The following CDH13 variants were observed in gnomAD, a reference collection of about 807,000 sequenced individuals.
CDH13 encodes the protein cadherin 13.
In CDH13, 24 loss-of-function variants were observed where a neutral mutation model predicts 63.8. That is an observed-to-expected ratio of 0.38 (90% CI 0.27 to 0.53). CDH13 has a LOEUF of 0.53. Among genes scored for constraint, CDH13 ranks in the 20% least tolerant of loss-of-function variants. The pLI is 0.85. For synonymous variants in CDH13, 503 were observed against 355.3 expected (o/e 1.42, Z -4.67); for missense variants, 1,049 against 903.1 (o/e 1.16, Z -2.07).
intron 6 of CDH13, among the ~76,000 whole-genome samples, chr16:83,438,792 G>A (rs77106592): frequency 0.011 from 1,686 of 152,256 alleles, 32 homozygotes; most frequent in African/African-American, 0.039. Context: ...TATTTTGTAC[G>A]TTTGAGACTG....
intron 5 of CDH13, among the ~76,000 whole-genome samples, chr16:83,281,599 A>G (rs1018551783): frequency 4.6e-5 from 7 of 152,104 alleles, no homozygotes; most frequent in South Asian, 2.1e-4. Context: ...AGCTTTCAAC[A>G]TGTCTTCGTC....
At chr16:83,518,437 G>C (rs10468353) in intron 7 of CDH13, among the ~76,000 whole-genome samples, 1 of 150,022 alleles carries the variant, frequency 6.7e-6, no homozygotes, top group African/African-American at 2.5e-5. Flanking sequence ...GAGCCACCGC[G>C]CCCGGCCAAG....
chr16:82,722,024 G>A (rs1567466434), intron 1 of CDH13, among the ~76,000 whole-genome samples: 1 of 152,152 alleles, frequency 6.6e-6, no homozygotes, highest in Non-Finnish European at 1.5e-5. Flanking sequence ...CACTGCCACT[G>A]GGCCCATCGG....
chr16:83,776,724 A>G (rs1368561912), intron 11 of CDH13, among the ~76,000 whole-genome samples: 1 of 152,148 alleles, frequency 6.6e-6, no homozygotes, highest in Non-Finnish European at 1.5e-5. Context: ...TTCACTTCTT[A>G]TCCTCGTAGG....
intron 2 of CDH13, among the ~76,000 whole-genome samples, chr16:82,869,889 A>T (rs930370559): frequency 6.6e-6 from 1 of 152,218 alleles, no homozygotes; most frequent in African/African-American, 2.4e-5. Flanking sequence ...ACATGAAAAC[A>T]TTGGGGGAAA....
chr16:83,732,444 G>A (rs1157483123), intron 10 of CDH13, among the ~76,000 whole-genome samples: 1 of 152,204 alleles, frequency 6.6e-6, no homozygotes, highest in Non-Finnish European at 1.5e-5. Context: ...GCAGTGATCA[G>A]TCCCCAAAGC....
chr16:83,223,888 G>A (rs1311974876), intron 5 of CDH13, among the ~76,000 whole-genome samples: 1 of 152,246 alleles, frequency 6.6e-6, no homozygotes, highest in Non-Finnish European at 1.5e-5. Context: ...TTGGTTGCAT[G>A]AGTAAGTTCT....
At chr16:83,263,829 G>A (rs1374288541) in intron 5 of CDH13, among the ~76,000 whole-genome samples, 1 of 152,052 alleles carries the variant, frequency 6.6e-6, no homozygotes, top group African/African-American at 2.4e-5. Context: ...TGTACTACAG[G>A]TTGACGGCTA....
At chr16:82,788,687 C>T (rs1314278085) in intron 1 of CDH13, among the ~76,000 whole-genome samples, 1 of 152,184 alleles carries the variant, frequency 6.6e-6, no homozygotes, top group Non-Finnish European at 1.5e-5. Context: ...TGGCAGAAGC[C>T]AGCAGATCTC....
At chr16:83,761,560 T>C (rs1424098404) in intron 11 of CDH13, among the ~76,000 whole-genome samples, 2 of 152,216 alleles carry the variant, frequency 1.3e-5, no homozygotes, top group Non-Finnish European at 2.9e-5. Context: ...CTGGATTGGT[T>C]ACACTCGGCA....
At chr16:83,618,415 A>G (rs534703092) in intron 8 of CDH13, among the ~76,000 whole-genome samples, 1 of 147,534 alleles carries the variant, frequency 6.8e-6, no homozygotes, top group Non-Finnish European at 1.5e-5. Context: ...ACAGAGAGAG[A>G]CTCCAAAAAA....
chr16:83,316,692 C>G (rs535839579), intron 5 of CDH13, among the ~76,000 whole-genome samples: 2 of 152,292 alleles, frequency 1.3e-5, no homozygotes, highest in East Asian at 3.9e-4. Flanking sequence ...GTTAGAAATA[C>G]CAGCTGCGAG....
intron 11 of CDH13, among the ~76,000 whole-genome samples, chr16:83,765,346 A>G (rs368927168): frequency 1.3e-5 from 2 of 149,606 alleles, no homozygotes; most frequent in Non-Finnish European, 3.0e-5. Context: ...GGAAAAAAAA[A>G]CCAAAAAGTT....
intron 7 of CDH13, among the ~76,000 whole-genome samples, chr16:83,590,749 A>G (rs181812968): frequency 1.3e-5 from 2 of 152,234 alleles, no homozygotes; most frequent in Admixed American, 1.3e-4. Flanking sequence ...ATTCAGAACA[A>G]TGCTAACCGA....
intron 7 of CDH13, among the ~76,000 whole-genome samples, chr16:83,525,688 C>G (rs144440686): frequency 6.6e-6 from 1 of 152,096 alleles, no homozygotes; most frequent in Non-Finnish European, 1.5e-5. Context: ...ACCTGAGGGA[C>G]ATTGCAGATG....
intron 10 of CDH13, among the ~76,000 whole-genome samples, chr16:83,741,607 T>C (rs1912075296): frequency 6.6e-6 from 1 of 152,132 alleles, no homozygotes; most frequent in African/African-American, 2.4e-5. Flanking sequence ...ATAAATTTGA[T>C]ACGTATATAA....
chr16:83,445,626 G>A (rs1207138357), intron 6 of CDH13, among the ~76,000 whole-genome samples: 2 of 152,116 alleles, frequency 1.3e-5, no homozygotes, highest in Admixed American at 6.5e-5. Flanking sequence ...TTTTGTTAGC[G>A]ATAAAGACCA....
intron 6 of CDH13, among the ~76,000 whole-genome samples, chr16:83,351,699 A>G (rs1161248163): frequency 6.6e-6 from 1 of 152,178 alleles, no homozygotes; most frequent in Non-Finnish European, 1.5e-5. Context: ...ATCTCTTCCC[A>G]TGTTTGTGAC....
chr16:82,816,357 C>T (rs2037709925), intron 1 of CDH13, among the ~76,000 whole-genome samples: 1 of 152,096 alleles, frequency 6.6e-6, no homozygotes, highest in Non-Finnish European at 1.5e-5. Context: ...AGACAAAAAT[C>T]CCTACTCTGA....
Sources: allele counts gnomAD v4.1 joint callset (sites outside exome capture counted in the v4.1 genomes callset), GRCh38; gene constraint gnomAD v4.1.1; transcripts MANE v1.5; gene names NCBI Gene and HGNC (gene_info 2026-07-23, HGNC 2026-07-21).